Variants in USP20 observed in about 807,000 individuals in gnomAD.
The protein encoded by USP20 is ubiquitin carboxyl-terminal hydrolase 20.
Under a neutral mutation model 124.2 loss-of-function variants are expected in USP20, and 80 were observed. The ratio of observed to expected loss-of-function variants is 0.64; its 90% CI spans 0.54 to 0.78. The LOEUF is 0.78. Among genes scored for constraint, USP20 ranks in the 30% least tolerant of loss-of-function variants. The pLI is 0.00. For synonymous variants in USP20, 481 were observed against 512.3 expected, an observed-to-expected ratio of 0.94 and a Z score of 0.83; for missense variants, 1,043 against 1,244.4, an observed-to-expected ratio of 0.84 and a Z score of 2.44.
At chr9:129,836,286 T>C (rs76248363) in intron 1 of USP20, among the ~76,000 whole-genome samples, 1,814 of 152,350 alleles carry the variant, frequency 0.012, 17 homozygotes, top group Middle Eastern at 0.02. Flanking sequence ...CTACCTCTTA[T>C]TAAGCAGTTA....
chr9:129,853,908 G>T (rs1223227520), intron 3 of USP20, among the ~76,000 whole-genome samples: 1 of 152,124 alleles, frequency 6.6e-6, no homozygotes, highest in Non-Finnish European at 1.5e-5. Context: ...GGGGTGCTCT[G>T]GGGCTGTGTG....
chr9:129,869,837 A>G lies in USP20; in HGVS notation c.1558A>G (p.Ile520Val). 1 of 1,613,384 alleles carries G rather than the reference A, an allele frequency of 6.2e-7. No individual in the cohort carries two copies. The highest frequency in any genetic ancestry group is 8.5e-7 in the Non-Finnish European group (1 of 1,179,836). The change falls in exon 14 of 26, where the codon ATC becomes GTC. Residue 520 changes from isoleucine to valine, a missense_variant. By Grantham distance (29) the Ile-to-Val change is conservative. Coordinates refer to ENST00000372429, the MANE Select transcript of USP20 (RefSeq NM_001110303.4). The stretch of plus-strand genomic sequence containing the variant: ...CTGGCTGGCCTTCATTGTGGAGTAC[A>G]TCCGACGGTGCGCCCACCTTGCCAC... Reference protein sequence around the residue: ...QGWLAFIVEYIRRFVVSCTPS... With the variant: ...QGWLAFIVEYVRRFVVSCTPS...
chr9:129,870,359 C>T (rs989925575), intron 14 of USP20, 94 bp from the exon 15 acceptor site: 7 of 1,360,392 alleles, frequency 5.1e-6, no homozygotes, highest in East Asian at 2.3e-5. Flanking sequence ...GGTCCTTCTG[C>T]GGCTCAGGCC....
intron 6 of USP20, 141 bp from the exon 7 acceptor site, chr9:129,860,796 A>G (rs1503374): frequency 0.99 from 769,011 of 779,908 alleles, 379,903 homozygotes; most frequent in East Asian, 1. Flanking sequence ...TTTTCACAGT[A>G]CCTTCTGCTC....
rs4465057 is a variant in USP20, at chr9:129,875,315, G to A, written c.2054G>A (p.Ser685Asn). The change falls in exon 20 of 26, where the codon AGC (serine) becomes AAC (asparagine). Residue 685 changes from serine to asparagine, a missense_variant. Physicochemically the swap from Ser to Asn is conservative, Grantham distance 46. Transcript: ENST00000372429. ...AEGYVLFYRK[S>N]SEEAMRERQQ... is the part of the protein sequence containing the mutation. ...GCCCCCTCCTCACCCCACAGGAAGA[G>A]CAGCGAGGAGGCCATGCGGGAGCGA... 2 of 1,606,146 alleles carry A rather than the reference G, an allele frequency of 1.2e-6. No homozygotes were observed. Among genetic ancestry groups the A allele is most frequent in the East Asian group, 2.2e-5 (1 of 44,764 alleles).
chr9:129,839,028 T>TACGC lies in USP20; in HGVS notation c.-129+3530_-129+3533dup, dbSNP rs2032039643. On this transcript the variant is annotated intron_variant, in intron 1 of 25. Coordinates refer to ENST00000372429, the MANE Select transcript of USP20 (RefSeq NM_001110303.4). This position sits in a 1 kb window ranked among gnomAD's most constrained non-coding sequence, Gnocchi z 4.5. ...CTCTTGTGAGGAAGCTTCCTTGGAG[T>TACGC]ACGCGTGTTTGGATTTGGGGAGGTG... Among the ~76,000 whole-genome samples the TACGC allele has an allele frequency of 6.6e-6, 1 of 151,876 alleles. No homozygotes were observed. The highest frequency in any genetic ancestry group is 1.5e-5 in the Non-Finnish European group (1 of 67,948).
intron 1 of USP20, among the ~76,000 whole-genome samples, chr9:129,848,036 G>A (rs973852122): frequency 6.6e-6 from 1 of 151,916 alleles, no homozygotes; most frequent in Non-Finnish European, 1.5e-5. Flanking sequence ...GGTGGCTCAC[G>A]CCTGTAATCC....
intron 6 of USP20, among the ~76,000 whole-genome samples, chr9:129,859,298 G>T: frequency 1.1e-4 from 1 of 9,304 alleles, no homozygotes; most frequent in South Asian, 7.6e-3. Context: ...TTTTGAGACC[G>T]AGTCTCGCTC....
chr9:129,846,247 ATT>A (rs35809246), intron 1 of USP20, among the ~76,000 whole-genome samples: 82 of 32,666 alleles, frequency 2.5e-3, no homozygotes, highest in African/African-American at 8.9e-3. Flanking sequence ...ATATATATAT[ATT>A]TTTTTTTTTT....
rs374930544 is a variant in USP20, at chr9:129,874,608, C to A, written c.1773C>A (p.His591Gln). The change falls in exon 18 of 26, where the codon CAC becomes CAA. Residue 591 changes from histidine (H) to glutamine (Q), a missense_variant. Coordinates refer to ENST00000372429, the MANE Select transcript of USP20 (RefSeq NM_001110303.4). ...GCATTCACCTAAAGCGCTTTCGGCA[C>A]GAGGTGATGTACTCATTCAAGATCA... is the stretch of plus-strand genomic sequence containing the variant. ...ILCIHLKRFR[H>Q]EVMYSFKINS... The A allele has an allele frequency of 9.3e-6, 15 of 1,613,672 alleles. No homozygotes were observed. Among genetic ancestry groups the A allele is most frequent in the Middle Eastern group, 3.3e-4 (2 of 6,084 alleles).
intron 22 of USP20, among the ~76,000 whole-genome samples, chr9:129,876,900 C>T (rs2034433828): frequency 1.3e-5 from 2 of 152,146 alleles, no homozygotes; most frequent in African/African-American, 4.8e-5. Context: ...CCTCTACCCA[C>T]TAGTGCTAGT....
chr9:129,875,703 A>AG (rs2034362757), intron 21 of USP20, 62 bp downstream of exon 21: 2 of 1,536,352 alleles, frequency 1.3e-6, no homozygotes, highest in Non-Finnish European at 8.9e-7. Flanking sequence ...GCAGGAAAAG[A>AG]GGGGAGGGCA....
chr9:129,858,137 G>T, intron 5 of USP20, 25 bp downstream of exon 5: 1 of 1,611,990 alleles, frequency 6.2e-7, no homozygotes. Flanking sequence ...TGAGAGTATG[G>T]GCCCTGCAGT....
rs1194356764 is a variant in USP20, at chr9:129,856,314, G to A, written c.89G>A (p.Cys30Tyr). ...EDLLLKSKGT[C>Y]QSCGVTGPNL... is the part of the protein sequence containing the mutation. ...TCCTCTCAACTCACACAGGGAACCT[G>A]TCAGTCGTGTGGGGTCACCGGACCA... The change falls in exon 4 of 26, where the codon TGT becomes TAT. Residue 30 changes from cysteine to tyrosine, a missense_variant. Coordinates refer to ENST00000372429, the MANE Select transcript of USP20 (RefSeq NM_001110303.4). 1 of 1,614,198 alleles carries A rather than the reference G, an allele frequency of 6.2e-7. No individual in the cohort carries two copies. The highest frequency in any genetic ancestry group is 1.1e-5 in the South Asian group (1 of 91,086).
chr9:129,848,035 C>T (rs1033587628), intron 1 of USP20, among the ~76,000 whole-genome samples: 2 of 152,112 alleles, frequency 1.3e-5, no homozygotes, highest in African/African-American at 4.8e-5. Context: ...CGGTGGCTCA[C>T]GCCTGTAATC....
chr9:129,841,834 C>T (rs1243423681), intron 1 of USP20, among the ~76,000 whole-genome samples: 3 of 151,978 alleles, frequency 2.0e-5, no homozygotes, highest in Non-Finnish European at 4.4e-5. Flanking sequence ...TGCATGAGTC[C>T]CCTGCGGTGT....
chr9:129,858,430 G>C (rs771187433), intron 5 of USP20, 37 bp from the exon 6 acceptor site: 2 of 1,613,684 alleles, frequency 1.2e-6, no homozygotes, highest in Non-Finnish European at 1.7e-6. Flanking sequence ...TGTTAGGCTA[G>C]AGTGCCCTGG....
chr9:129,853,267 C>T (rs536747161), intron 3 of USP20, among the ~76,000 whole-genome samples: 65 of 151,236 alleles, frequency 4.3e-4, no homozygotes, highest in Non-Finnish European at 7.2e-4. Flanking sequence ...AGATGGTATA[C>T]GATCCTCTCT....
chr9:129,844,649 T>G lies in USP20; in HGVS notation c.-128-5164T>G, dbSNP rs559554573. 5.2e-3 allele frequency among the ~76,000 whole-genome samples: 740 copies of G among 141,986 alleles called. 6 individuals carry two copies. Among genetic ancestry groups the G allele is most frequent in the East Asian group, 0.02 (97 of 4,902 alleles). 93.1% of individuals were successfully genotyped at this position (141,986 alleles called of 152,430 possible). A position where few individuals can be genotyped will look rare whatever the true frequency, so the allele number is the denominator to read the frequency against. On this transcript the variant is annotated intron_variant, in intron 1 of 25. Coordinates refer to ENST00000372429, the MANE Select transcript of USP20 (RefSeq NM_001110303.4). The stretch of plus-strand genomic sequence containing the variant: ...AAAAAAAAAAAAAAAAAAAAAAAAA[T>G]TATATATTCGTACATGTAAATAAGA...
Sources: gnomAD v4.1 joint callset for allele counts (sites outside exome capture counted in the v4.1 genomes callset) on GRCh38, gnomAD v4.1.1 for gene constraint, Gnocchi (gnomAD v3.1) non-coding constraint, MANE v1.5 for transcripts, NCBI Gene and HGNC (gene_info 2026-07-23, HGNC 2026-07-21) for gene names.